Variants in POR observed in about 807,000 individuals in gnomAD.
POR encodes the protein NADPH--cytochrome P450 reductase.
POR carries 56 observed loss-of-function variants against 84.0 expected under a neutral mutation model. The observed-to-expected ratio is 0.67, with a 90% confidence interval of 0.54 to 0.83. The LOEUF is 0.83. Ranked by LOEUF, POR falls within the 40% of genes least tolerant of loss-of-function variation. The pLI, the probability that POR is intolerant of heterozygous loss-of-function variation, is 0.00. For synonymous variants in POR, 414 were observed against 400.5 expected (o/e 1.03, Z -0.40); for missense variants, 938 against 944.3 (o/e 0.99, Z 0.09).
Position 75,986,015 on chromosome 7 carries a change from G to T in POR, c.1762G>T (p.Asp588Tyr). 1 of 1,565,370 alleles carries T rather than the reference G, an allele frequency of 6.4e-7. No homozygotes were observed. The highest frequency in any genetic ancestry group is 8.6e-7 in the Non-Finnish European group (1 of 1,156,108). Residue 588 changes from aspartate to tyrosine, a missense_variant, in exon 14 of 16, where the codon GAC becomes TAC. Asp to Tyr is a radical substitution (Grantham distance 160, BLOSUM62 -3). Coordinates refer to ENST00000461988, the MANE Select transcript of POR (RefSeq NM_000941.3). ...GGAGGAGCTGGCGCAGTTCCACAGG[G>T]ACGGTGCGCTCACCCAGCTCAACGT...
In POR at chr7:75,984,890, CA is replaced by C; in HGVS notation, c.1181del (p.Gln394ArgfsTer27). 1 of 1,612,424 alleles carries C rather than the reference CA, an allele frequency of 6.2e-7. No individual in the cohort carries two copies. Among genetic ancestry groups the C allele is most frequent in the Non-Finnish European group, 8.5e-7 (1 of 1,179,690 alleles). On this transcript the variant is annotated frameshift_variant, in exon 11 of 16. Coordinates refer to ENST00000461988, the MANE Select transcript of POR (RefSeq NM_000941.3). LOFTEE classifies it high-confidence loss of function. ...TACCAACGTGCTGTACGAGCTGGCGCAGTACGCCTCGGAGCCCTCGGAGCAG... is the reference window on the plus strand; with the variant it reads ...TACCAACGTGCTGTACGAGCTGGCGCGTACGCCTCGGAGCCCTCGGAGCAG...
chr7:75,932,268 C>T (rs1301328493), intron 1 of POR, among the ~76,000 whole-genome samples: 1 of 151,768 alleles, frequency 6.6e-6, no homozygotes, highest in East Asian at 1.9e-4. Flanking sequence ...GCAACCTCCG[C>T]CTCCCAGGTT....
chr7:75,978,679 A>T (rs1298601957), intron 3 of POR, among the ~76,000 whole-genome samples: 1 of 152,142 alleles, frequency 6.6e-6, no homozygotes, highest in African/African-American at 2.4e-5. Flanking sequence ...ATGTGCCACC[A>T]TGCCCGGCTA....
Position 75,968,204 on chromosome 7 carries a change from G to A in POR, c.189-4209G>A, listed in dbSNP as rs111703826. ...CCAGGGGACGCCTGCACCCTCACTCGAGTGTGGGAGACTTCCTCCTGGCGG... is the reference window on the plus strand; with the variant it reads ...CCAGGGGACGCCTGCACCCTCACTCAAGTGTGGGAGACTTCCTCCTGGCGG... On this transcript the variant is annotated intron_variant, in intron 2 of 15. Coordinates refer to ENST00000461988, the MANE Select transcript of POR (RefSeq NM_000941.3). 5.0e-3 allele frequency: 2,316 copies of A among 464,820 alleles called. 69 individuals are homozygous for A. The highest frequency in any genetic ancestry group is 0.034 in the South Asian group (2,194 of 64,480). The allele number at this position is 464,820 out of a possible 1,614,324, so 28.8% of individuals were successfully genotyped here.
intron 2 of POR, among the ~76,000 whole-genome samples, chr7:75,960,340 C>T (rs1342989800): frequency 2.0e-5 from 3 of 151,938 alleles, no homozygotes; most frequent in Non-Finnish European, 2.9e-5. Context: ...GACTCTTTCA[C>T]GTCCACTCCC....
intron 1 of POR, among the ~76,000 whole-genome samples, chr7:75,936,782 G>A (rs1354529291): frequency 6.6e-6 from 1 of 150,630 alleles, no homozygotes; most frequent in Non-Finnish European, 1.5e-5. Context: ...TTTGAGAAAA[G>A]TAAAGCAAGA....
At chr7:75,950,801 G>A (rs916258451) in intron 1 of POR, among the ~76,000 whole-genome samples, 2 of 152,202 alleles carry the variant, frequency 1.3e-5, no homozygotes, top group African/African-American at 4.8e-5. Flanking sequence ...AGTGGCTCAC[G>A]CCTGTCATCC....
chr7:75,951,639 C>T (rs1787427777), intron 1 of POR, among the ~76,000 whole-genome samples: 1 of 152,308 alleles, frequency 6.6e-6, no homozygotes, highest in Middle Eastern at 3.4e-3. Context: ...AGAACATAGT[C>T]TCTCATTGCC....
chr7:75,940,247 C>T (rs1807910333), intron 1 of POR, among the ~76,000 whole-genome samples: 1 of 151,344 alleles, frequency 6.6e-6, no homozygotes, highest in Non-Finnish European at 1.5e-5. Context: ...CCACGCCTGG[C>T]TAGTTATTTT....
rs782298410 is a variant in POR at position 75,985,918 on chromosome 7, C to T, written c.1670-5C>T. ...CCCGCGCTCACCCCGGCCCCTGCCACGCAGGCAAGGAGGTGGGGGAGACGC... is the reference window on the plus strand; with the variant it reads ...CCCGCGCTCACCCCGGCCCCTGCCATGCAGGCAAGGAGGTGGGGGAGACGC... On this transcript the variant is annotated splice_polypyrimidine_tract_variant and splice_region_variant and intron_variant, in intron 13 of 15. Coordinates refer to ENST00000461988, the MANE Select transcript of POR (RefSeq NM_000941.3). 7.0e-6 allele frequency: 11 copies of T among 1,578,426 alleles called. No individual in the cohort carries two copies. Among genetic ancestry groups the T allele is most frequent in the Middle Eastern group, 1.7e-4 (1 of 5,926 alleles).
intron 2 of POR, among the ~76,000 whole-genome samples, chr7:75,955,853 G>A (rs1397584937): frequency 1.3e-5 from 2 of 152,214 alleles, no homozygotes; most frequent in African/African-American, 2.4e-5. Flanking sequence ...GCATGGTGAA[G>A]CATGCCGCTC....
chr7:75,931,479 G>T, intron 1 of POR, among the ~76,000 whole-genome samples: 1 of 151,806 alleles, frequency 6.6e-6, no homozygotes, highest in East Asian at 1.9e-4. Context: ...CGATTCTCCT[G>T]CCTTAGCCTC....
chr7:75,956,639 C>T (rs116943630), intron 2 of POR, among the ~76,000 whole-genome samples: 44 of 152,204 alleles, frequency 2.9e-4, no homozygotes, highest in African/African-American at 8.9e-4. Context: ...TTGCGTTGAT[C>T]GTATTTCGTG....
In POR at chr7:75,980,371, C is replaced by T. The variant is rs181837747; in HGVS notation, c.399C>T (p.Asn133=). 247 of 1,613,174 alleles carry T rather than the reference C, an allele frequency of 1.5e-4. 1 individual carries two copies. The highest frequency in any genetic ancestry group is 1.4e-3 in the African/African-American group (102 of 75,046). Residue 133 remains asparagine (N), a synonymous_variant, in exon 5 of 16, where the codon AAC becomes AAT. Coordinates refer to ENST00000461988, the MANE Select transcript of POR (RefSeq NM_000941.3). ...TGAGCAGCCTGCCAGAGATCGACAACGCCCTGGTGGTTTTCTGCATGGCCA... is the reference window on the plus strand; with the variant it reads ...TGAGCAGCCTGCCAGAGATCGACAATGCCCTGGTGGTTTTCTGCATGGCCA...
At chr7:75,985,261 C>G in intron 12 of POR, 54 bp downstream of exon 12, 1 of 1,517,328 alleles carries the variant, frequency 6.6e-7, no homozygotes, top group Non-Finnish European at 8.8e-7. Flanking sequence ...GCCCTGCTCA[C>G]AGCAGGCAGA....
chr7:75,957,212 T>C (rs879992789), intron 2 of POR, among the ~76,000 whole-genome samples: 2 of 152,042 alleles, frequency 1.3e-5, no homozygotes, highest in Non-Finnish European at 2.9e-5. Flanking sequence ...AGAGAAGGAA[T>C]TGGTGTGGGG....
intron 1 of POR, among the ~76,000 whole-genome samples, chr7:75,918,144 T>G (rs1453512065): frequency 6.6e-6 from 1 of 152,160 alleles, no homozygotes; most frequent in Non-Finnish European, 1.5e-5. Flanking sequence ...CCGTCTCTAC[T>G]AAAAATACAA....
rs782347388 is a variant in POR at position 75,951,062 on chromosome 7, G to GCC, written c.-4-2914_-4-2913dup. Among the ~76,000 whole-genome samples the GCC allele has an allele frequency of 2.2e-3, 32 of 14,262 alleles. 1 individual carries two copies. The highest frequency in any genetic ancestry group is 3.8e-3 in the Admixed American group (3 of 794). 9.4% of individuals were successfully genotyped at this position (14,262 alleles called of 152,430 possible). A position where few individuals can be genotyped will look rare whatever the true frequency, so the allele number is the denominator to read the frequency against. Reference sequence around the variant, plus strand: ...TGACAGAGCGAGGCTCTGTCCCCCGGCCCCCCCCCCCCCCGAAAAAAAAAA... The same window carrying GCC: ...TGACAGAGCGAGGCTCTGTCCCCCGGCCCCCCCCCCCCCCCCGAAAAAAAAAA... On this transcript the variant is annotated intron_variant, in intron 1 of 15. Coordinates refer to ENST00000461988, the MANE Select transcript of POR (RefSeq NM_000941.3).
chr7:75,958,964 T>C (rs1408477761), intron 2 of POR, among the ~76,000 whole-genome samples: 1 of 152,262 alleles, frequency 6.6e-6, no homozygotes, highest in Non-Finnish European at 1.5e-5. Context: ...GAGCATTTCT[T>C]ATCTGAAAAT....
Sources: gnomAD v4.1 joint callset for allele counts (sites outside exome capture counted in the v4.1 genomes callset) on GRCh38, gnomAD v4.1.1 for gene constraint, MANE v1.5 for transcripts, NCBI Gene and HGNC (gene_info 2026-07-23, HGNC 2026-07-21) for gene names.